Variants in CLEC12A observed in about 807,000 individuals in gnomAD.
CLEC12A encodes the protein C-type lectin domain family 12 member A, also known as C-type lectin protein CLL-1.
A neutral mutation model predicts 26.5 loss-of-function variants in CLEC12A; 22 were observed. The observed-to-expected ratio is 0.83, with a 90% CI of 0.59 to 1.19. The LOEUF (loss-of-function observed/expected upper bound fraction) is 1.19. Among genes scored for constraint, CLEC12A ranks in the 50% most tolerant of loss-of-function variants. The pLI, the probability that CLEC12A is intolerant of heterozygous loss-of-function variation, is 0.00. For synonymous variants in CLEC12A, 119 were observed against 101.9 expected (o/e 1.17, Z -1.01); for missense variants, 353 against 315.6 (o/e 1.12, Z -0.90).
At chr12:9,952,273 T>A (rs1227991672) in intron 1 of CLEC12A, among the ~76,000 whole-genome samples, 1 of 149,732 alleles carries the variant, frequency 6.7e-6, no homozygotes, top group Non-Finnish European at 1.5e-5. Flanking sequence ...CTCGGCTCAC[T>A]GCAACCTCCC....
intron 4 of CLEC12A, chr12:9,993,396 G>GAAAAAAAAA: frequency 3.2e-6 from 1 of 313,054 alleles, no homozygotes; most frequent in Non-Finnish European, 5.0e-6. Flanking sequence ...AGGAAAATAG[G>GAAAAAAAAA]AAAAAAAAAC....
At chr12:9,964,997 A>G (rs1360459513) in intron 1 of CLEC12A, among the ~76,000 whole-genome samples, 3 of 152,196 alleles carry the variant, frequency 2.0e-5, no homozygotes, top group African/African-American at 7.2e-5. Context: ...AGACTTAACA[A>G]AAAGGGAGTG....
intron 2 of CLEC12A, 41 bp downstream of exon 2, chr12:9,979,105 A>G: frequency 6.7e-7 from 1 of 1,485,260 alleles, no homozygotes; most frequent in Non-Finnish European, 9.4e-7. Flanking sequence ...AAGTATCTAG[A>G]ATTTCAAATA....
intron 4 of CLEC12A, 131 bp from the exon 5 acceptor site, chr12:9,981,889 T>A (rs918007101): frequency 3.9e-6 from 2 of 516,940 alleles, no homozygotes; most frequent in Non-Finnish European, 6.8e-6. Context: ...TTTCTTATAA[T>A]GACATTTAAT....
chr12:9,974,403 G>A (rs1287833299), intron 1 of CLEC12A, among the ~76,000 whole-genome samples: 1 of 152,106 alleles, frequency 6.6e-6, no homozygotes, highest in Non-Finnish European at 1.5e-5. Context: ...ACTTTAAATA[G>A]AGTGACTCCC....
At chr12:9,956,173 G>A (rs566391987) in intron 1 of CLEC12A, among the ~76,000 whole-genome samples, 1 of 152,238 alleles carries the variant, frequency 6.6e-6, no homozygotes, top group African/African-American at 2.4e-5. Flanking sequence ...AGAAAACCTT[G>A]TTCTAACCCA....
At chr12:10,003,763 A>C in the CLEC12A span, among the ~76,000 whole-genome samples, 1 of 151,978 alleles carries the variant, frequency 6.6e-6, no homozygotes, top group Non-Finnish European at 1.5e-5. Flanking sequence ...AAAAAATACA[A>C]AACTTAGCCG....
At chr12:9,968,540 C>T (rs1219731673), upstream of CLEC12A, among the ~76,000 whole-genome samples, 4 of 152,072 alleles carry the variant, frequency 2.6e-5, no homozygotes, top group South Asian at 4.1e-4. Context: ...AAGATAATGT[C>T]ATCAGTTAAG....
At chr12:9,965,865 G>T (rs182018072) in intron 1 of CLEC12A, among the ~76,000 whole-genome samples, 1 of 152,198 alleles carries the variant, frequency 6.6e-6, no homozygotes, top group East Asian at 1.9e-4. Context: ...GATGGTAAGG[G>T]GTGCAGGATC....
intron 1 of CLEC12A, among the ~76,000 whole-genome samples, chr12:9,975,380 T>C (rs1864295458): frequency 6.6e-6 from 1 of 152,100 alleles, no homozygotes; most frequent in African/African-American, 2.4e-5. Context: ...TGGTCTCAGA[T>C]GGAGATGAGG....
chr12:9,980,524 T>C, intron 3 of CLEC12A, 58 bp from the exon 4 acceptor site: 17 of 1,475,220 alleles, frequency 1.2e-5, no homozygotes, highest in Non-Finnish European at 1.5e-5. Context: ...GGAAAGGAAA[T>C]AATAAGAATT....
chr12:9,996,581 T>C (rs1202073432), downstream of CLEC12A, among the ~76,000 whole-genome samples: 1 of 137,008 alleles, frequency 7.3e-6, no homozygotes, highest in African/African-American at 2.6e-5. Context: ...ATCACTGGGC[T>C]GACTCTTCAT....
downstream of CLEC12A, chr12:9,986,256 G>T: frequency 6.0e-6 from 2 of 331,658 alleles, no homozygotes; most frequent in East Asian, 9.2e-5. Flanking sequence ...ATTCCATTAG[G>T]GTACCAACTA....
At chr12:9,996,647 C>T (rs1339749794), downstream of CLEC12A, 1 of 689,840 alleles carries the variant, frequency 1.4e-6, no homozygotes, top group African/African-American at 1.8e-5. Flanking sequence ...TTTGACTGAT[C>T]AACTCTATCA....
At chr12:9,995,161 C>A (rs563227508) in exon 5 of CLEC12A, 1 of 1,612,780 alleles carries the variant, frequency 6.2e-7, no homozygotes, top group South Asian at 1.1e-5. Flanking sequence ...GATAACCGAG[C>A]CATCCTCCCA....
chr12:9,968,875 A>C (rs931861973), upstream of CLEC12A, among the ~76,000 whole-genome samples: 9 of 152,188 alleles, frequency 5.9e-5, no homozygotes, highest in Non-Finnish European at 1.2e-4. Flanking sequence ...ATGGGAGTGC[A>C]GGTATCTATA....
intron 1 of CLEC12A, among the ~76,000 whole-genome samples, chr12:9,957,174 T>C (rs531116000): frequency 1.4e-4 from 22 of 152,102 alleles, no homozygotes; most frequent in African/African-American, 2.7e-4. Flanking sequence ...AGGGCAGATA[T>C]TGGGGAAAGA....
At chr12:9,974,955 T>C (rs1565556270) in intron 1 of CLEC12A, among the ~76,000 whole-genome samples, 1 of 152,172 alleles carries the variant, frequency 6.6e-6, no homozygotes, top group African/African-American at 2.4e-5. Flanking sequence ...GTTCTTGTGA[T>C]AGTGAATAAG....
chr12:9,979,774 G>C (rs1864479738), intron 3 of CLEC12A, among the ~76,000 whole-genome samples: 1 of 152,156 alleles, frequency 6.6e-6, no homozygotes, highest in African/African-American at 2.4e-5. Context: ...TGTTAGACAA[G>C]ACAGTTTCTC....
Sources: gnomAD v4.1 joint callset for allele counts (sites outside exome capture counted in the v4.1 genomes callset) on GRCh38, gnomAD v4.1.1 for gene constraint, MANE v1.5 for transcripts, NCBI Gene and HGNC (gene_info 2026-07-23, HGNC 2026-07-21) for gene names.